Variants in CXCL9 observed in about 807,000 individuals in gnomAD.
CXCL9 encodes C-X-C motif chemokine 9.
A neutral mutation model predicts 11.7 loss-of-function variants in CXCL9; 8 were observed. The observed-to-expected ratio is 0.68, with a 90% CI of 0.40 to 1.23. The LOEUF (loss-of-function observed/expected upper bound fraction) is 1.23. CXCL9 is among the 50% of genes most tolerant of loss of function. The pLI, the probability that CXCL9 is intolerant of heterozygous loss-of-function variation, is 0.01. For missense variants in CXCL9, 133 were observed against 141.7 expected (o/e 0.94, Z 0.31); for synonymous variants, 43 against 48.2 (o/e 0.89, Z 0.45).
At position 76,006,165 on chromosome 4, in the gene CXCL9, G is replaced by A. The variant is rs1560567960; in HGVS notation, c.174C>T (p.Cys58=). 2.6e-5 allele frequency: 42 copies of A among 1,613,148 alleles called. No homozygotes were observed. Among genetic ancestry groups the A allele is most frequent in the Non-Finnish European group, 3.3e-5 (39 of 1,179,260 alleles). Residue 58 remains cysteine, a synonymous_variant, in exon 2 of 4, where the codon TGC becomes TGT. Transcript: ENST00000264888. ...DLKQFAPSPS[C]EKIEIIATLK... ...TTACTTACATGATTTCAATTTTCTC[G>A]CAGGAAGGGCTTGGGGCAAATTGTT...
In CXCL9 at chr4:76,003,282, C is replaced by A. The variant is rs1184063901; in HGVS notation, c.*316G>T. ...GGAAGCCTAGGGCTGCTCTTCCAGG[C>A]AGCTGTTGTGAGTGGGATGTGGTTG... On this transcript the variant is annotated 3_prime_UTR_variant, in exon 4 of 4. Transcript: ENST00000264888. 2.1e-5 allele frequency: 5 copies of A among 240,926 alleles called. No homozygotes were observed. Among genetic ancestry groups the A allele is most frequent in the Non-Finnish European group, 4.0e-5 (5 of 125,994 alleles). 14.9% of individuals were successfully genotyped at this position (240,926 alleles called of 1,614,324 possible).
In CXCL9 at chr4:76,002,080, A is replaced by G; in HGVS notation, c.*1518T>C. The G allele has an allele frequency of 5.2e-6, 2 of 382,920 alleles. No homozygotes were observed. Among genetic ancestry groups the G allele is most frequent in the Non-Finnish European group, 9.2e-6 (2 of 216,904 alleles). 23.7% of individuals were successfully genotyped at this position (382,920 alleles called of 1,614,324 possible). ...ACAATACAAACTCTGAAACAAGTAA[A>G]CGGACAATAAAACTCATATTTGCCT... On this transcript the variant is annotated 3_prime_UTR_variant, in exon 4 of 4. Transcript: ENST00000264888.
rs980949852 is a variant in CXCL9 at position 76,003,226 on chromosome 4, C to T, written c.*372G>A. ...CAGGCTTAGGACTTGCTGACATGTG[C>T]CTCAGATACTCTCTGGAGGCTGCAG... On this transcript the variant is annotated 3_prime_UTR_variant, in exon 4 of 4. Transcript: ENST00000264888. 5.5e-5 allele frequency: 10 copies of T among 181,912 alleles called. No individual in the cohort carries two copies. The highest frequency in any genetic ancestry group is 1.1e-4 in the Non-Finnish European group (10 of 88,130). 11.3% of individuals were successfully genotyped at this position (181,912 alleles called of 1,614,324 possible).
At chr4:76,006,989 T>C (rs1404262899) in intron 1 of CXCL9, among the ~76,000 whole-genome samples, 2 of 152,202 alleles carry the variant, frequency 1.3e-5, no homozygotes, top group African/African-American at 4.8e-5. Context: ...AAGTAATTTG[T>C]CCAAGGTAAC....
At chr4:76,004,572 T>C (rs1731547743) in intron 3 of CXCL9, among the ~76,000 whole-genome samples, 2 of 152,292 alleles carry the variant, frequency 1.3e-5, no homozygotes, top group African/African-American at 4.8e-5. Context: ...TTGTATTAAA[T>C]AAGGACAAGC....
chr4:76,005,015 T>G, intron 2 of CXCL9, 122 bp from the exon 3 acceptor site: 1 of 1,303,224 alleles, frequency 7.7e-7, no homozygotes, highest in Non-Finnish European at 9.8e-7. Flanking sequence ...TTAAAATTAT[T>G]TCCTAGGACA....
Position 76,003,515 on chromosome 4 carries a change from T to C in CXCL9, c.*83A>G, listed in dbSNP as rs539064382. ...GTCAAATTAATAAGCCTTTGTATTA[T>C]ATGCCATCCTCCTTTGGAATGATAG... On this transcript the variant is annotated 3_prime_UTR_variant, in exon 4 of 4. Transcript: ENST00000264888. The C allele has an allele frequency of 3.9e-6, 3 of 775,896 alleles. No homozygotes were observed. Among genetic ancestry groups the C allele is most frequent in the Non-Finnish European group, 6.6e-6 (3 of 456,840 alleles). 48.1% of individuals were successfully genotyped at this position (775,896 alleles called of 1,614,324 possible).
chr4:76,005,083 T>G (rs1209013126), intron 2 of CXCL9, 190 bp from the exon 3 acceptor site: 8 of 929,898 alleles, frequency 8.6e-6, no homozygotes, highest in Non-Finnish European at 9.8e-6. Context: ...AATTTCGCTC[T>G]GTTGCCAGGC....
At chr4:76,005,960 G>T in intron 2 of CXCL9, 188 bp downstream of exon 2, 1 of 509,798 alleles carries the variant, frequency 2.0e-6, no homozygotes, top group Non-Finnish European at 3.6e-6. Context: ...CATTCTTGGG[G>T]CCTAATCTAC....
Position 76,002,507 on chromosome 4 carries a change from G to A in CXCL9, c.*1091C>T. Reference sequence around the variant, plus strand: ...AGCACCTGCTCTGAGACAATGGTCTGGTTGCCATCCTGCCCATAACAACAT... The same window carrying A: ...AGCACCTGCTCTGAGACAATGGTCTAGTTGCCATCCTGCCCATAACAACAT... On this transcript the variant is annotated 3_prime_UTR_variant, in exon 4 of 4. Transcript: ENST00000264888. 2.5e-6 allele frequency: 1 copy of A among 396,824 alleles called. No homozygotes were observed. Among genetic ancestry groups the A allele is most frequent in the Non-Finnish European group, 4.4e-6 (1 of 225,420 alleles). 24.6% of individuals were successfully genotyped at this position (396,824 alleles called of 1,614,324 possible).
Position 76,006,286 on chromosome 4 carries a change from A to G in CXCL9, c.65-12T>C, listed in dbSNP as rs1731585484. On this transcript the variant is annotated splice_polypyrimidine_tract_variant and intron_variant, in intron 1 of 3. Transcript: ENST00000264888. The stretch of plus-strand genomic sequence containing the variant: ...CACTACTGGGGTTCCTGAGGGAAAG[A>G]AAAAGATAGAACACATCAGTATAGG... The G allele has an allele frequency of 1.2e-6, 2 of 1,612,382 alleles. No individual in the cohort carries two copies. The highest frequency in any genetic ancestry group is 2.7e-5 in the African/African-American group (2 of 74,896).
chr4:76,007,377 A>AC lies in CXCL9; in HGVS notation c.64+8dup. On this transcript the variant is annotated intron_variant, in intron 1 of 3. Coordinates refer to ENST00000264888, the MANE Select transcript of CXCL9 (RefSeq NM_002416.3). ...CTCTTACTTTACAACCTAACTCAGA[A>AC]CCCCTTACCTTGCACTCCAATCAGA... 1 of 1,516,324 alleles carries AC rather than the reference A, an allele frequency of 6.6e-7. No homozygotes were observed. The highest frequency in any genetic ancestry group is 2.3e-5 in the East Asian group (1 of 44,422). 93.9% of individuals were successfully genotyped at this position (1,516,324 alleles called of 1,614,324 possible). A position where few individuals can be genotyped will look rare whatever the true frequency, so the allele number is the denominator to read the frequency against.
chr4:76,007,300 A>G, intron 1 of CXCL9, 86 bp downstream of exon 1: 1 of 825,704 alleles, frequency 1.2e-6, no homozygotes. Context: ...CAATGCAGGC[A>G]GAACATTCAC....
rs770234658 is a variant in CXCL9, at chr4:76,006,174, G to A, written c.165C>T (p.Ser55=). 2.5e-6 allele frequency: 4 copies of A among 1,613,540 alleles called. No homozygotes were observed. Among genetic ancestry groups the A allele is most frequent in the Non-Finnish European group, 3.4e-6 (4 of 1,179,554 alleles). The part of the protein sequence containing the change: ...SLKDLKQFAP[S]PSCEKIEIIA... ...TGATTTCAATTTTCTCGCAGGAAGG[G>A]CTTGGGGCAAATTGTTTAAGGTCTT... The change falls in exon 2 of 4, where the codon AGC becomes AGT. Residue 55 remains serine (S), a synonymous_variant. Coordinates refer to ENST00000264888, the MANE Select transcript of CXCL9 (RefSeq NM_002416.3).
chr4:76,002,682 G>A lies in CXCL9; in HGVS notation c.*916C>T, dbSNP rs1731498035. Reference sequence around the variant, plus strand: ...CCCAAGAATTAGTTAACCATTGAGTGTTCACCCATGTGGTACTGAACCAAG... The same window carrying A: ...CCCAAGAATTAGTTAACCATTGAGTATTCACCCATGTGGTACTGAACCAAG... On this transcript the variant is annotated 3_prime_UTR_variant, in exon 4 of 4. Coordinates refer to ENST00000264888, the MANE Select transcript of CXCL9 (RefSeq NM_002416.3). 3.8e-6 allele frequency: 1 copy of A among 263,268 alleles called. No homozygotes were observed. The highest frequency in any genetic ancestry group is 7.1e-6 in the Non-Finnish European group (1 of 140,872). 16.3% of individuals were successfully genotyped at this position (263,268 alleles called of 1,614,324 possible).
At chr4:76,007,220 C>T (rs865803958) in intron 1 of CXCL9, among the ~76,000 whole-genome samples, 166 bp downstream of exon 1, 3 of 152,154 alleles carry the variant, frequency 2.0e-5, no homozygotes, top group Admixed American at 1.3e-4. Context: ...CTTGGCAGAT[C>T]GAAGTTATGA....
Position 76,002,129 on chromosome 4 carries a change from C to T in CXCL9, c.*1469G>A, listed in dbSNP as rs537986420. 1.5e-5 allele frequency: 6 copies of T among 395,824 alleles called. No individual in the cohort carries two copies. Among genetic ancestry groups the T allele is most frequent in the African/African-American group, 1.0e-4 (5 of 48,586 alleles). 24.5% of individuals were successfully genotyped at this position (395,824 alleles called of 1,614,324 possible). On this transcript the variant is annotated 3_prime_UTR_variant, in exon 4 of 4. Coordinates refer to ENST00000264888, the MANE Select transcript of CXCL9 (RefSeq NM_002416.3). Reference sequence around the variant, plus strand: ...CTAAAATGAGTTTCGATAAGGATCTCGGTGGCTATCTTGTTAGATCTTAGA... The same window carrying T: ...CTAAAATGAGTTTCGATAAGGATCTTGGTGGCTATCTTGTTAGATCTTAGA...
In CXCL9 at chr4:76,003,638, ACTTT is replaced by A. The variant is rs1560567220; in HGVS notation, c.334_337del (p.Lys112PhefsTer20). 1 of 1,612,462 alleles carries A rather than the reference ACTTT, an allele frequency of 6.2e-7. No individual in the cohort carries two copies. The highest frequency in any genetic ancestry group is 1.7e-5 in the Admixed American group (1 of 59,974). On this transcript the variant is annotated frameshift_variant, in exon 4 of 4. Transcript: ENST00000264888. LOFTEE classifies it high-confidence loss of function. Reference sequence around the variant, plus strand: ...TTGACGAGAACGTTGAGATTTTCGAACTTTCAGAACTTTCTTTTTTTGATGTTTT... The same window carrying A: ...TTGACGAGAACGTTGAGATTTTCGAACAGAACTTTCTTTTTTTGATGTTTT...
In CXCL9 at chr4:76,002,690, A is replaced by G. The variant is rs143711436; in HGVS notation, c.*908T>C. 2.5e-4 allele frequency: 64 copies of G among 254,338 alleles called. No individual in the cohort carries two copies. In the East Asian group the frequency reaches 4.5e-3, roughly 18 times the overall value. 15.8% of individuals were successfully genotyped at this position (254,338 alleles called of 1,614,324 possible). A position where few individuals can be genotyped will look rare whatever the true frequency, so the allele number is the denominator to read the frequency against. ...TTAGTTAACCATTGAGTGTTCACCCATGTGGTACTGAACCAAGTGAAACAG... is the reference window on the plus strand; with the variant it reads ...TTAGTTAACCATTGAGTGTTCACCCGTGTGGTACTGAACCAAGTGAAACAG... On this transcript the variant is annotated 3_prime_UTR_variant, in exon 4 of 4. Transcript: ENST00000264888.
Sources: allele counts gnomAD v4.1 joint callset (sites outside exome capture counted in the v4.1 genomes callset), GRCh38; gene constraint gnomAD v4.1.1; transcripts MANE v1.5; gene names NCBI Gene and HGNC (gene_info 2026-07-23, HGNC 2026-07-21).